The following DPYD variants were observed in gnomAD, a reference collection of about 807,000 sequenced individuals.
DPYD encodes the protein dihydropyrimidine dehydrogenase, also known as dihydropyrimidine dehydrogenase [NADP(+)].
DPYD carries 109 observed loss-of-function variants against 116.2 expected under a neutral mutation model. That is an observed-to-expected ratio of 0.94 (90% confidence interval 0.80 to 1.10). The LOEUF is 1.10. Ranked by LOEUF, DPYD falls within the 50% of genes least tolerant of loss-of-function variation. The pLI is 0.00. For synonymous variants in DPYD, 440 were observed against 432.0 expected (o/e 1.02, Z -0.23); for missense variants, 1,302 against 1,254.5 (o/e 1.04, Z -0.57).
At chr1:97,313,405 T>C (rs1667628853) in intron 16 of DPYD, among the ~76,000 whole-genome samples, 2 of 151,890 alleles carry the variant, frequency 1.3e-5, no homozygotes, top group Non-Finnish European at 2.9e-5. Flanking sequence ...CAAAATACTT[T>C]ACAATCTAGG....
intron 2 of DPYD, among the ~76,000 whole-genome samples, chr1:97,880,346 C>T (rs1486720444): frequency 1.3e-5 from 2 of 151,654 alleles, no homozygotes; most frequent in Non-Finnish European, 2.9e-5. Flanking sequence ...GATAAAAGTT[C>T]CAGCATCCTA....
At chr1:97,341,852 G>A (rs1485094478) in intron 16 of DPYD, among the ~76,000 whole-genome samples, 1 of 152,146 alleles carries the variant, frequency 6.6e-6, no homozygotes, top group East Asian at 1.9e-4. Context: ...TCCATGTTGA[G>A]TGACATCAGG....
intron 13 of DPYD, among the ~76,000 whole-genome samples, chr1:97,495,744 A>G (rs1679225678): frequency 6.6e-6 from 1 of 152,012 alleles, no homozygotes; most frequent in Non-Finnish European, 1.5e-5. Flanking sequence ...TATCAAGTTA[A>G]TTAATCATAT....
intron 14 of DPYD, among the ~76,000 whole-genome samples, chr1:97,426,461 C>A (rs189310018): frequency 3.9e-5 from 6 of 152,126 alleles, no homozygotes; most frequent in Admixed American, 3.3e-4. Context: ...AAATGCAGAG[C>A]AAGGACCCAT....
intron 12 of DPYD, among the ~76,000 whole-genome samples, chr1:97,527,776 T>C (rs931743083): frequency 7.1e-6 from 1 of 141,192 alleles, no homozygotes; most frequent in Non-Finnish European, 1.5e-5. Context: ...CTGATTTGCT[T>C]TGCTAGAATG....
chr1:97,753,648 G>A (rs1665059312), intron 3 of DPYD, among the ~76,000 whole-genome samples: 1 of 151,806 alleles, frequency 6.6e-6, no homozygotes, highest in South Asian at 2.1e-4. Context: ...TATTTACTAG[G>A]AACTCAGCAA....
intron 20 of DPYD, among the ~76,000 whole-genome samples, chr1:97,170,189 T>C (rs1490882834): frequency 6.6e-6 from 1 of 152,164 alleles, no homozygotes; most frequent in African/African-American, 2.4e-5. Flanking sequence ...CTGCATACAT[T>C]ACAATGCTTG....
chr1:97,316,969 G>C (rs903137753), intron 16 of DPYD, among the ~76,000 whole-genome samples: 3 of 151,548 alleles, frequency 2.0e-5, no homozygotes, highest in African/African-American at 7.3e-5. Context: ...ATTGACACAG[G>C]TTCCATAGGC....
At position 97,717,249 on chromosome 1, in the gene DPYD, T is replaced by C. The variant is rs1022008425; in HGVS notation, c.483+4261A>G. 5.9e-5 allele frequency among the ~76,000 whole-genome samples: 9 copies of C among 151,984 alleles called. 1 individual carries two copies. The highest frequency in any genetic ancestry group is 4.1e-4 in the South Asian group (2 of 4,830). ...ATAGTATATGCTGATACGACAAGGA[T>C]TGAGTAAAGTCAAATGAGAGGTGAT... On this transcript the variant is annotated intron_variant, in intron 5 of 22. Transcript: ENST00000370192.
At chr1:97,117,424 G>A (rs1443156534) in intron 20 of DPYD, among the ~76,000 whole-genome samples, 1 of 152,106 alleles carries the variant, frequency 6.6e-6, no homozygotes, top group Non-Finnish European at 1.5e-5. Context: ...TAACTGCAGA[G>A]GACATTTACA....
At position 97,691,711 on chromosome 1, in the gene DPYD, A is replaced by G. The variant is rs1292453820; in HGVS notation, c.762+6T>C. The G allele has an allele frequency of 6.2e-7, 1 of 1,612,882 alleles. No individual in the cohort carries two copies. Among genetic ancestry groups the G allele is most frequent in the Non-Finnish European group, 8.5e-7 (1 of 1,179,124 alleles). On this transcript the variant is annotated splice_donor_region_variant and intron_variant, in intron 7 of 22. Transcript: ENST00000370192. The stretch of plus-strand genomic sequence containing the variant: ...CAGTACACAGATAGGTGTTTTTTTC[A>G]TTTACCTTTACACCAAGGTCCTTCA...
intron 18 of DPYD, among the ~76,000 whole-genome samples, chr1:97,261,493 C>CTTTTTT (rs1210765677): frequency 3.7e-4 from 45 of 122,474 alleles, no homozygotes; most frequent in African/African-American, 1.4e-3. Flanking sequence ...GACTATGCAT[C>CTTTTTT]TTTTTTTTTT....
chr1:97,314,739 T>G (rs1337751949), intron 16 of DPYD, among the ~76,000 whole-genome samples: 1 of 151,908 alleles, frequency 6.6e-6, no homozygotes, highest in African/African-American at 2.4e-5. Context: ...AGATTCAGAT[T>G]TCATAGAATT....
At chr1:97,165,745 A>C (rs1656275182) in intron 20 of DPYD, among the ~76,000 whole-genome samples, 2 of 152,160 alleles carry the variant, frequency 1.3e-5, no homozygotes, top group Non-Finnish European at 2.9e-5. Flanking sequence ...ACAACCCCTT[A>C]ATAAGTGGGC....
intron 3 of DPYD, among the ~76,000 whole-genome samples, chr1:97,773,356 GT>G (rs141662303): frequency 0.025 from 3,824 of 152,154 alleles, 88 homozygotes; most frequent in African/African-American, 0.05. Context: ...TAGTAAATAA[GT>G]TTAATTCATA....
At chr1:97,199,386 C>T (rs1387872531) in intron 19 of DPYD, among the ~76,000 whole-genome samples, 1 of 151,938 alleles carries the variant, frequency 6.6e-6, no homozygotes, top group Non-Finnish European at 1.5e-5. Flanking sequence ...TAATCATGAG[C>T]ATTTTTTTCA....
chr1:97,531,267 T>G (rs1412397104), intron 12 of DPYD, among the ~76,000 whole-genome samples: 1 of 152,208 alleles, frequency 6.6e-6, no homozygotes. Context: ...ATTTTAGTCT[T>G]TAATTAATTG....
intron 12 of DPYD, among the ~76,000 whole-genome samples, chr1:97,534,809 C>T (rs989276566): frequency 3.9e-5 from 6 of 152,072 alleles, no homozygotes; most frequent in Non-Finnish European, 7.4e-5. Flanking sequence ...TAATTTTGCA[C>T]ACAATGTGAA....
intron 16 of DPYD, among the ~76,000 whole-genome samples, chr1:97,350,037 A>C (rs1478348845): frequency 6.6e-6 from 1 of 152,052 alleles, no homozygotes; most frequent in African/African-American, 2.4e-5. Flanking sequence ...AGAAAGACAA[A>C]GTTAATTTTT....
Sources: gnomAD v4.1 joint callset for allele counts (sites outside exome capture counted in the v4.1 genomes callset) on GRCh38, gnomAD v4.1.1 for gene constraint, MANE v1.5 for transcripts, NCBI Gene and HGNC (gene_info 2026-07-23, HGNC 2026-07-21) for gene names.